GABBR2: variants seen among roughly 807,000 people sequenced by gnomAD.
GABBR2 encodes G-protein coupled receptor 51.
A neutral mutation model predicts 105.6 loss-of-function variants in GABBR2; 23 were observed. That is an observed-to-expected ratio of 0.22 (90% CI 0.16 to 0.31). The LOEUF (loss-of-function observed/expected upper bound fraction) is 0.31. GABBR2 is among the 10% of genes least tolerant of loss of function. GABBR2 has a pLI of 1.00. For missense variants in GABBR2, 734 were observed against 1,245.5 expected, an observed-to-expected ratio of 0.59 and a Z score of 6.18; for synonymous variants, 478 against 499.7, an observed-to-expected ratio of 0.96 and a Z score of 0.58.
chr9:98,566,659 A>G (rs1828755109), intron 2 of GABBR2, among the ~76,000 whole-genome samples: 1 of 152,014 alleles, frequency 6.6e-6, no homozygotes, highest in Non-Finnish European at 1.5e-5. Context: ...TGGGTGACAG[A>G]CTGAGACTCC....
At chr9:98,569,032 A>C (rs1367630137) in intron 2 of GABBR2, among the ~76,000 whole-genome samples, 1 of 152,002 alleles carries the variant, frequency 6.6e-6, no homozygotes, top group African/African-American at 2.4e-5. Context: ...ATGAATCCAG[A>C]AGGTGGAAGC....
intron 11 of GABBR2, among the ~76,000 whole-genome samples, chr9:98,372,846 C>T (rs1444954974): frequency 6.6e-6 from 1 of 152,196 alleles, no homozygotes; most frequent in Non-Finnish European, 1.5e-5. Context: ...AAGGCTGACC[C>T]ACTAAATCAA....
chr9:98,491,656 T>C (rs1286601446), intron 4 of GABBR2, among the ~76,000 whole-genome samples: 1 of 152,176 alleles, frequency 6.6e-6, no homozygotes, highest in East Asian at 1.9e-4. Context: ...CTCTTTTGAG[T>C]CCCTCTCCTA....
chr9:98,370,803 G>A (rs948948252), intron 12 of GABBR2, among the ~76,000 whole-genome samples: 1 of 152,190 alleles, frequency 6.6e-6, no homozygotes, highest in Non-Finnish European at 1.5e-5. Flanking sequence ...CTATGACTAA[G>A]AGTCAAGGTC....
intron 6 of GABBR2, among the ~76,000 whole-genome samples, chr9:98,456,051 G>C (rs999584874): frequency 4.6e-5 from 7 of 152,114 alleles, no homozygotes; most frequent in Non-Finnish European, 7.4e-5. Context: ...AAAGAGACCA[G>C]CATTTCTAGT....
At chr9:98,459,558 A>G (rs1826387366) in intron 6 of GABBR2, among the ~76,000 whole-genome samples, 1 of 152,222 alleles carries the variant, frequency 6.6e-6, no homozygotes, top group Non-Finnish European at 1.5e-5. Flanking sequence ...GAGTAAAGGG[A>G]ACCATAAAAA....
chr9:98,471,589 C>T (rs935673967), intron 6 of GABBR2, among the ~76,000 whole-genome samples: 7 of 152,240 alleles, frequency 4.6e-5, no homozygotes, highest in Non-Finnish European at 7.3e-5. Flanking sequence ...GAACTATATC[C>T]GAGGGAGGTC....
At chr9:98,392,011 G>GGCCTGGGCTCTGCCCTGACCT (rs1167598553) in intron 9 of GABBR2, among the ~76,000 whole-genome samples, 9 of 152,242 alleles carry the variant, frequency 5.9e-5, no homozygotes, top group East Asian at 3.9e-4. Context: ...GTGGATAGAA[G>GGCCTGGGCTCTGCCCTGACCT]GCCTGGGCTC....
chr9:98,465,585 C>T (rs1055141639), intron 6 of GABBR2, among the ~76,000 whole-genome samples: 1 of 152,192 alleles, frequency 6.6e-6, no homozygotes, highest in Non-Finnish European at 1.5e-5. Flanking sequence ...CAAGTCTCCG[C>T]AAACTATACT....
chr9:98,656,430 T>C (rs1162336167), intron 1 of GABBR2, among the ~76,000 whole-genome samples: 1 of 74,570 alleles, frequency 1.3e-5, no homozygotes, highest in Non-Finnish European at 3.5e-5. Flanking sequence ...TGTCTTATTA[T>C]AAAAAGGAAA....
chr9:98,612,366 G>A (rs912314521), intron 1 of GABBR2, among the ~76,000 whole-genome samples: 12 of 152,174 alleles, frequency 7.9e-5, no homozygotes, highest in Non-Finnish European at 1.0e-4. Flanking sequence ...AAACGTGGCC[G>A]GTCAGCCAGC....
intron 7 of GABBR2, among the ~76,000 whole-genome samples, chr9:98,433,218 G>T (rs1825843430): frequency 6.6e-6 from 1 of 152,198 alleles, no homozygotes; most frequent in African/African-American, 2.4e-5. Context: ...AATTAGTGAA[G>T]GGGAATTGAC....
intron 2 of GABBR2, among the ~76,000 whole-genome samples, chr9:98,548,112 G>A (rs750603798): frequency 2.5e-5 from 3 of 120,476 alleles, no homozygotes; most frequent in Non-Finnish European, 5.6e-5. Context: ...CTTCTTCTGA[G>A]TACTCTGCTT....
chr9:98,632,800 A>T (rs936109786), intron 1 of GABBR2, among the ~76,000 whole-genome samples: 1 of 152,206 alleles, frequency 6.6e-6, no homozygotes, highest in African/African-American at 2.4e-5. Flanking sequence ...CTTGAGCATG[A>T]TAAAATGGTT....
intron 1 of GABBR2, among the ~76,000 whole-genome samples, chr9:98,597,962 C>T (rs927891950): frequency 6.6e-6 from 1 of 152,038 alleles, no homozygotes; most frequent in African/African-American, 2.4e-5. Context: ...CTGGGATTTA[C>T]ATGTGTGCAC....
At chr9:98,294,730 A>C (rs1830354268) in intron 17 of GABBR2, among the ~76,000 whole-genome samples, 1 of 152,164 alleles carries the variant, frequency 6.6e-6, no homozygotes. Flanking sequence ...CAACTGCCTT[A>C]GTCTCCCAAA....
At chr9:98,648,110 TGTGTGTATAG>T (rs1217384580) in intron 1 of GABBR2, among the ~76,000 whole-genome samples, 7 of 109,092 alleles carry the variant, frequency 6.4e-5, no homozygotes, top group African/African-American at 2.5e-4. Flanking sequence ...TGTGTGTGTG[TGTGTGTATAG>T]ATAGATAGAT....
intron 3 of GABBR2, 128 bp from the exon 4 acceptor site, chr9:98,496,642 T>C (rs1312379660): frequency 1.5e-6 from 1 of 681,198 alleles, no homozygotes; most frequent in African/African-American, 1.8e-5. Context: ...AAGTGAGTGG[T>C]TTTGTTTTAC....
chr9:98,410,133 G>GTTTTTTTTTTT (rs1554702245), intron 7 of GABBR2, among the ~76,000 whole-genome samples: 2 of 132,340 alleles, frequency 1.5e-5, no homozygotes, highest in African/African-American at 8.6e-5. Flanking sequence ...TTTTTTTTTG[G>GTTTTTTTTTTT]TTTCCCTCCC....
Sources: allele counts gnomAD v4.1 joint callset (sites outside exome capture counted in the v4.1 genomes callset), GRCh38; gene constraint gnomAD v4.1.1; transcripts MANE v1.5; gene names NCBI Gene and HGNC (gene_info 2026-07-23, HGNC 2026-07-21).